Variants in LINGO2 observed in about 807,000 individuals in gnomAD.
The protein encoded by LINGO2 is leucine-rich repeat and immunoglobulin-like domain-containing nogo receptor-interacting protein 2.
A neutral mutation model predicts 30.6 loss-of-function variants in LINGO2; 14 were observed. The ratio of observed to expected loss-of-function variants is 0.46; its 90% confidence interval spans 0.30 to 0.72. The LOEUF (loss-of-function observed/expected upper bound fraction) is 0.72. Ranked by LOEUF, LINGO2 falls within the 30% of genes least tolerant of loss-of-function variation. The pLI is 0.07. For synonymous variants in LINGO2, 317 were observed against 288.5 expected, an observed-to-expected ratio of 1.10 and a Z score of -1.00; for missense variants, 729 against 751.7, an observed-to-expected ratio of 0.97 and a Z score of 0.35.
the LINGO2 span, among the ~76,000 whole-genome samples, chr9:28,874,812 C>T: frequency 6.6e-6 from 1 of 152,074 alleles, no homozygotes; most frequent in Admixed American, 6.6e-5. Flanking sequence ...GTTAAATGAC[C>T]TGTGGCTTTA....
chr9:27,941,080 C>G, the LINGO2 span: 1 of 139,338 alleles, frequency 7.2e-6, no homozygotes, highest in African/African-American at 2.5e-5. Context: ...CAGAGCAGCT[C>G]TGGCATTAAC....
intron 5 of LINGO2, among the ~76,000 whole-genome samples, chr9:28,002,984 T>C (rs1822039412): frequency 6.6e-6 from 1 of 152,174 alleles, no homozygotes; most frequent in South Asian, 2.1e-4. Context: ...GTGAAGCTGC[T>C]GGAATGGGCT....
At chr9:28,478,626 C>A (rs1825815776) in intron 1 of LINGO2, among the ~76,000 whole-genome samples, 1 of 152,046 alleles carries the variant, frequency 6.6e-6, no homozygotes, top group Admixed American at 6.6e-5. Flanking sequence ...TTTCCATGTG[C>A]AAAAATACTA....
At chr9:28,008,712 CTAAGTT>C (rs1405886241) in intron 5 of LINGO2, among the ~76,000 whole-genome samples, 2 of 151,964 alleles carry the variant, frequency 1.3e-5, no homozygotes, top group African/African-American at 4.8e-5. Flanking sequence ...ATACTTAGAA[CTAAGTT>C]TAAGAAAACA....
At chr9:28,788,212 T>A in the LINGO2 span, among the ~76,000 whole-genome samples, 10 of 152,098 alleles carry the variant, frequency 6.6e-5, no homozygotes, top group African/African-American at 2.4e-4. Flanking sequence ...TAGAAAAAAA[T>A]TCATTAAAAA....
At chr9:28,296,078 A>G (rs537846310) in intron 3 of LINGO2, among the ~76,000 whole-genome samples, 5 of 152,338 alleles carry the variant, frequency 3.3e-5, no homozygotes, top group Admixed American at 6.5e-5. Context: ...TAGACAGCTA[A>G]TTTGGGGGCA....
rs372000114 is a variant in LINGO2, at chr9:28,243,381, A to G, written c.-87+51827T>C. Among the ~76,000 whole-genome samples the G allele has an allele frequency of 2.0e-5, 3 of 151,282 alleles. No homozygotes were observed. The South Asian group carries it at 6.3e-4, about 32-fold the overall frequency. On this transcript the variant is annotated intron_variant, in intron 4 of 5. Transcript: ENST00000379992. ...AGGCTGAGGCAGGATAATTGCTTGAACCTGGGAGGCAGAGGTTACAGTGAG... is the reference window on the plus strand; with the variant it reads ...AGGCTGAGGCAGGATAATTGCTTGAGCCTGGGAGGCAGAGGTTACAGTGAG...
At chr9:29,025,792 ACATCTC>A in the LINGO2 span, among the ~76,000 whole-genome samples, 1 of 152,094 alleles carries the variant, frequency 6.6e-6, no homozygotes, top group Non-Finnish European at 1.5e-5. Flanking sequence ...CCTTTGATCA[ACATCTC>A]CCCCCTCTAC....
At chr9:28,511,035 C>A (rs997983120) in intron 1 of LINGO2, among the ~76,000 whole-genome samples, 20 of 151,976 alleles carry the variant, frequency 1.3e-4, no homozygotes, top group Non-Finnish European at 4.4e-5. Flanking sequence ...ACTGTGCCCA[C>A]TAGATTAAGG....
At chr9:28,196,582 A>C (rs751864239) in intron 4 of LINGO2, among the ~76,000 whole-genome samples, 3 of 151,952 alleles carry the variant, frequency 2.0e-5, no homozygotes, top group Non-Finnish European at 2.9e-5. Flanking sequence ...CTTAATTTTT[A>C]CTAAGAAACA....
At chr9:29,014,774 A>G in the LINGO2 span, among the ~76,000 whole-genome samples, 136,568 of 152,144 alleles carry the variant, frequency 0.9, 61,541 homozygotes, top group Non-Finnish European at 0.93. Flanking sequence ...AACTTCTCAG[A>G]CAGAAGGAGG....
the LINGO2 span, among the ~76,000 whole-genome samples, chr9:28,920,701 C>A: frequency 7.0e-6 from 1 of 143,608 alleles, no homozygotes; most frequent in African/African-American, 2.6e-5. Flanking sequence ...AATGTCAGAG[C>A]CGGTGGCCTT....
chr9:28,275,741 T>C (rs1156609736), intron 4 of LINGO2, among the ~76,000 whole-genome samples: 2 of 152,202 alleles, frequency 1.3e-5, no homozygotes, highest in Non-Finnish European at 2.9e-5. Context: ...GTGAATATCA[T>C]GTAAGAAACT....
the LINGO2 span, among the ~76,000 whole-genome samples, chr9:28,800,771 T>A: frequency 6.6e-6 from 1 of 152,070 alleles, no homozygotes; most frequent in Non-Finnish European, 1.5e-5. Flanking sequence ...GAAAATGATA[T>A]CTTACTCTAT....
chr9:28,477,330 C>T (rs578214438), intron 1 of LINGO2, among the ~76,000 whole-genome samples: 45 of 152,010 alleles, frequency 3.0e-4, no homozygotes, highest in African/African-American at 9.9e-4. Context: ...TTATTAATAT[C>T]CCTACTTTTA....
chr9:28,754,513 G>A, the LINGO2 span, among the ~76,000 whole-genome samples: 88 of 152,070 alleles, frequency 5.8e-4, no homozygotes, highest in African/African-American at 1.5e-3. Flanking sequence ...CCCTAGAGAA[G>A]CTCAATGTTT....
intron 3 of LINGO2, among the ~76,000 whole-genome samples, chr9:28,301,839 T>A (rs1270396880): frequency 6.6e-6 from 1 of 152,018 alleles, no homozygotes; most frequent in East Asian, 1.9e-4. Flanking sequence ...AAAAGGCAGG[T>A]CACCTACAAA....
the LINGO2 span, among the ~76,000 whole-genome samples, chr9:29,069,264 T>C: frequency 1.3e-5 from 2 of 151,980 alleles, no homozygotes; most frequent in African/African-American, 4.8e-5. Context: ...TTGAAATAAA[T>C]ACTGTCATCA....
At chr9:28,673,836 G>A (rs981873942), upstream of LINGO2, among the ~76,000 whole-genome samples, 3 of 151,826 alleles carry the variant, frequency 2.0e-5, no homozygotes, top group Admixed American at 6.6e-5. Context: ...TACTTTAATC[G>A]ACACAATTCA....
Sources: gnomAD v4.1 joint callset for allele counts (sites outside exome capture counted in the v4.1 genomes callset) on GRCh38, gnomAD v4.1.1 for gene constraint, MANE v1.5 for transcripts, NCBI Gene and HGNC (gene_info 2026-07-23, HGNC 2026-07-21) for gene names.